NPM1: variants seen among roughly 807,000 people sequenced by gnomAD.
The protein encoded by NPM1 is nucleophosmin 1.
A neutral mutation model predicts 44.1 loss-of-function variants in NPM1; 1 was observed. That is an observed-to-expected ratio of 0.02 (90% CI 0.01 to 0.11). NPM1 has a LOEUF of 0.11. Ranked by LOEUF, NPM1 falls within the 10% of genes least tolerant of loss-of-function variation. The pLI is 1.00. For missense variants in NPM1, 197 were observed against 347.8 expected, an observed-to-expected ratio of 0.57 and a Z score of 3.45; for synonymous variants, 126 against 111.8, an observed-to-expected ratio of 1.13 and a Z score of -0.80.
intron 8 of NPM1, among the ~76,000 whole-genome samples, chr5:171,404,439 G>A (rs1212160495): frequency 1.3e-5 from 1 of 78,650 alleles, no homozygotes; most frequent in Non-Finnish European, 2.6e-5. Flanking sequence ...AGGCAGAGAC[G>A]CTCCTCACCT....
intron 1 of NPM1, among the ~76,000 whole-genome samples, chr5:171,389,599 C>T (rs1770466391): frequency 6.6e-6 from 1 of 152,090 alleles, no homozygotes; most frequent in African/African-American, 2.4e-5. Flanking sequence ...AACTTCGGTT[C>T]TTTTACTTTT....
At chr5:171,389,955 T>C in intron 1 of NPM1, 96 bp from the exon 2 acceptor site, 1 of 706,556 alleles carries the variant, frequency 1.4e-6, no homozygotes, top group Non-Finnish European at 2.4e-6. Flanking sequence ...AGTGAAAAAC[T>C]AGTTCAAAAG....
chr5:171,387,740 G>C, upstream of NPM1: 1 of 596,414 alleles, frequency 1.7e-6, no homozygotes, highest in Non-Finnish European at 3.0e-6. Context: ...TGCGCAGGAC[G>C]GCTACGGTAC....
chr5:171,387,547 G>C (rs967948163), upstream of NPM1: 10 of 222,366 alleles, frequency 4.5e-5, no homozygotes, highest in East Asian at 5.6e-4. Context: ...GCGCTTGAGC[G>C]GGAGAGGACG....
chr5:171,403,315 G>C (rs1771335731), intron 8 of NPM1, among the ~76,000 whole-genome samples: 1 of 84,630 alleles, frequency 1.2e-5, no homozygotes. Context: ...GAGAGCACAG[G>C]GTTGGGGGTA....
Position 171,392,735 on chromosome 5 carries a change from A to C in NPM1, c.378A>C (p.Glu126Asp). ...LVAVEEDAESEDEEEEDVKLL... is the reference protein window; with the variant it reads ...LVAVEEDAESDDEEEEDVKLL... Reference sequence around the variant, plus strand: ...CTGTGGAGGAAGATGCAGAGTCAGAAGATGAAGAGGAGGAGGATGTGAAAC... The same window carrying C: ...CTGTGGAGGAAGATGCAGAGTCAGACGATGAAGAGGAGGAGGATGTGAAAC... Residue 126 changes from glutamate (E) to aspartate (D), a missense_variant, in exon 5 of 11, where the codon GAA becomes GAC. Around this residue, in one of 5 missense-constraint regions of NPM1, gnomAD observed 91 missense variants for 94.0 expected, o/e 0.97. Coordinates refer to ENST00000296930, the MANE Select transcript of NPM1 (RefSeq NM_002520.7). 16 of 1,612,666 alleles carry C rather than the reference A, an allele frequency of 9.9e-6. No individual in the cohort carries two copies. Among genetic ancestry groups the C allele is most frequent in the Non-Finnish European group, 1.4e-5 (16 of 1,178,872 alleles).
chr5:171,400,093 A>G (rs1047637253), intron 6 of NPM1, 60 bp from the exon 7 acceptor site: 1 of 959,508 alleles, frequency 1.0e-6, no homozygotes, highest in Middle Eastern at 2.1e-4. Flanking sequence ...TCCTGCTTTC[A>G]ATTCTTGTGT....
At chr5:171,406,791 G>A (rs776581672) in intron 9 of NPM1, 65 of 901,734 alleles carry the variant, frequency 7.2e-5, no homozygotes, top group South Asian at 2.6e-4. Context: ...CTAGGTTATT[G>A]GAGGCAGTTA....
chr5:171,406,794 G>A, intron 9 of NPM1: 2 of 880,924 alleles, frequency 2.3e-6, no homozygotes, highest in South Asian at 5.4e-5. Context: ...GGTTATTGGA[G>A]GCAGTTAAGT....
intron 10 of NPM1, 24 bp from the exon 11 acceptor site, chr5:171,410,503 A>C: frequency 1.3e-6 from 2 of 1,496,692 alleles, no homozygotes; most frequent in Non-Finnish European, 1.8e-6. Context: ...TTCCTTAACC[A>C]CATTTCTTTT....
chr5:171,392,516 C>G (rs552169642), intron 4 of NPM1, among the ~76,000 whole-genome samples, 194 bp from the exon 5 acceptor site: 1 of 152,074 alleles, frequency 6.6e-6, no homozygotes, highest in South Asian at 2.1e-4. Flanking sequence ...AGGCTTCTTG[C>G]ATTTAAAACC....
chr5:171,409,904 C>T (rs1771739982), intron 10 of NPM1, among the ~76,000 whole-genome samples: 1 of 151,944 alleles, frequency 6.6e-6, no homozygotes. Flanking sequence ...AGGCAGTCCT[C>T]CCACCTCAGC....
At chr5:171,392,650 C>G in intron 4 of NPM1, 60 bp from the exon 5 acceptor site, 9 of 918,302 alleles carry the variant, frequency 9.8e-6, no homozygotes, top group Non-Finnish European at 9.5e-6. Context: ...TATCAGTGTT[C>G]TTTTTTTTTC....
rs773970096 is a variant in NPM1, at chr5:171,390,082, C to T, written c.90C>T (p.His30=). 12 of 1,569,422 alleles carry T rather than the reference C, an allele frequency of 7.6e-6. No individual in the cohort carries two copies. The highest frequency in any genetic ancestry group is 1.0e-5 in the Non-Finnish European group (12 of 1,161,402). Residue 30 remains histidine, a synonymous_variant, in exon 2 of 11, where the codon CAC becomes CAT. Transcript: ENST00000296930. ...AACTAAAGGCCGACAAAGATTATCA[C>T]TTTAAGGTGGATAATGATGAAAATG... ...GCELKADKDY[H]FKVDNDENEH...
intron 1 of NPM1, among the ~76,000 whole-genome samples, 160 bp downstream of exon 1, chr5:171,388,166 G>A (rs1169424990): frequency 6.6e-6 from 1 of 152,002 alleles, no homozygotes; most frequent in Non-Finnish European, 1.5e-5. Context: ...CCTGGACCTG[G>A]AGGGATTGGA....
intron 1 of NPM1, among the ~76,000 whole-genome samples, chr5:171,388,317 C>T (rs1329295299): frequency 1.3e-5 from 2 of 152,150 alleles, no homozygotes; most frequent in East Asian, 3.9e-4. Flanking sequence ...GGATACGTGG[C>T]GGAGCTCCAG....
At chr5:171,390,277 C>G in intron 2 of NPM1, 147 bp downstream of exon 2, 1 of 500,220 alleles carries the variant, frequency 2.0e-6, no homozygotes, top group Non-Finnish European at 3.5e-6. Flanking sequence ...ACCTCACTGT[C>G]TGTACATCTT....
At chr5:171,401,529 C>T (rs902008667) in intron 8 of NPM1, among the ~76,000 whole-genome samples, 8 of 152,188 alleles carry the variant, frequency 5.3e-5, no homozygotes, top group Non-Finnish European at 7.4e-5. Context: ...CTTCACTTCC[C>T]GGGTTCAAGC....
intron 9 of NPM1, chr5:171,406,412 C>G: frequency 1.9e-6 from 3 of 1,613,072 alleles, no homozygotes; most frequent in Non-Finnish European, 2.5e-6. Context: ...TTGAACAGTC[C>G]TGGGCACTAC....
Sources: allele counts gnomAD v4.1 joint callset (sites outside exome capture counted in the v4.1 genomes callset), GRCh38; gene constraint gnomAD v4.1.1; regional missense constraint gnomAD v4.1.1; transcripts MANE v1.5; gene names NCBI Gene and HGNC (gene_info 2026-07-23, HGNC 2026-07-21).